Variants in IPO4 observed in about 807,000 individuals in gnomAD.
IPO4 encodes importin-4.
In IPO4, 91 loss-of-function variants were observed where a neutral mutation model predicts 133.5. That is an observed-to-expected ratio of 0.68 (90% CI 0.58 to 0.81). IPO4 has a LOEUF of 0.81. Ranked by LOEUF, IPO4 falls within the 30% of genes least tolerant of loss-of-function variation. The pLI, the probability that IPO4 is intolerant of heterozygous loss-of-function variation, is 0.00. For missense variants in IPO4, 1,279 were observed against 1,386.2 expected, an observed-to-expected ratio of 0.92 and a Z score of 1.23; for synonymous variants, 607 against 581.6, an observed-to-expected ratio of 1.04 and a Z score of -0.63.
Position 24,184,879 on chromosome 14 carries a change from G to A in IPO4, c.1510C>T (p.Leu504=). 1 of 1,613,964 alleles carries A rather than the reference G, an allele frequency of 6.2e-7. No homozygotes were observed. The highest frequency in any genetic ancestry group is 8.5e-7 in the Non-Finnish European group (1 of 1,179,906). The change falls in exon 15 of 30, where the codon CTG becomes TTG. Residue 504 remains leucine (L), a synonymous_variant. Transcript: ENST00000354464. Reference sequence around the variant, plus strand: ...CCTCTCTCCTCACCAATGGCTCCCAGGGCGCTCACAGCCAGCTCCTTGGCC... The same window carrying A: ...CCTCTCTCCTCACCAATGGCTCCCAAGGCGCTCACAGCCAGCTCCTTGGCC... The part of the protein sequence containing the change: ...PRAKELAVSA[L]GAIATAAQAS...
rs370520913 is a variant in IPO4 at position 24,182,830 on chromosome 14, C to G, written c.2434G>C (p.Asp812His). The G allele has an allele frequency of 4.3e-6, 7 of 1,614,078 alleles. No homozygotes were observed. The African/African-American group carries it at 6.7e-5, about 15-fold the overall frequency. The change falls in exon 24 of 30, where the codon GAT becomes CAT. Residue 812 changes from aspartate (D) to histidine (H), a missense_variant. Asp to His is a moderately conservative substitution (Grantham distance 81, BLOSUM62 -1). Around this residue, in one of 3 missense-constraint regions of IPO4, gnomAD observed 575 missense variants for 653.4 expected, o/e 0.88. Coordinates refer to ENST00000354464, the MANE Select transcript of IPO4 (RefSeq NM_024658.4). ...AVLQRKTACQ[D>H]TDEEEEEEDD... ...TCCTCTTCCTCCTCCTCGTCAGTAT[C>G]CTGACAGGCTGTCTACAAGAAGTAG...
In IPO4 at chr14:24,181,625, C is replaced by T. The variant is rs1594436363; in HGVS notation, c.2941-8G>A. ...CAGTAGGGCAGCCAGCACCTGGGCA[C>T]ACAAATGTCTCAGGCCAACCTGCCC... On this transcript the variant is annotated splice_region_variant and splice_polypyrimidine_tract_variant and intron_variant, in intron 27 of 29. Transcript: ENST00000354464. 1.2e-6 allele frequency: 2 copies of T among 1,614,076 alleles called. No homozygotes were observed. Among genetic ancestry groups the T allele is most frequent in the South Asian group, 2.2e-5 (2 of 91,090 alleles).
intron 7 of IPO4, 49 bp downstream of exon 7, chr14:24,187,036 A>T (rs200559193): frequency 4.3e-4 from 699 of 1,611,646 alleles, no homozygotes; most frequent in Non-Finnish European, 5.3e-4. Flanking sequence ...GCCAAACTGG[A>T]CACTTCTGCA....
At chr14:24,182,706 A>C (rs1266283858) in intron 24 of IPO4, 86 bp downstream of exon 24, 2 of 1,495,588 alleles carry the variant, frequency 1.3e-6, no homozygotes, top group African/African-American at 1.4e-5. Context: ...TGGCTGCCCC[A>C]GGCCAAGCCC....
chr14:24,182,574 T>A (rs750656373), intron 24 of IPO4, 171 bp from the exon 25 acceptor site: 19 of 1,012,224 alleles, frequency 1.9e-5, no homozygotes, highest in Non-Finnish European at 2.8e-5. Flanking sequence ...CTGGCTCTTC[T>A]GCTCCTACCT....
intron 24 of IPO4, 90 bp downstream of exon 24, chr14:24,182,702 C>T: frequency 1.4e-6 from 2 of 1,453,520 alleles, no homozygotes; most frequent in Non-Finnish European, 1.9e-6. Flanking sequence ...GCCCTGGCTG[C>T]CCCAGGCCAA....
chr14:24,181,524 T>G lies in IPO4; in HGVS notation c.3034A>C (p.Ser1012Arg). The G allele has an allele frequency of 6.4e-7, 1 of 1,565,268 alleles. No individual in the cohort carries two copies. Among genetic ancestry groups the G allele is most frequent in the Non-Finnish European group, 8.7e-7 (1 of 1,154,396 alleles). ...GRLFSFLYQS[S>R]PDQVIDVAPE... ...AGCAGCAAGGTTACCTGGTCAGGGCTGCTCTGGTACAGGAAGCTGAAGAGG... is the reference window on the plus strand; with the variant it reads ...AGCAGCAAGGTTACCTGGTCAGGGCGGCTCTGGTACAGGAAGCTGAAGAGG... The change falls in exon 28 of 30, where the codon AGC (serine) becomes CGC (arginine). Residue 1012 changes from serine to arginine, a missense_variant. Ser to Arg is a moderately radical substitution (Grantham distance 110). Around this residue, in one of 3 missense-constraint regions of IPO4, gnomAD observed 575 missense variants for 653.4 expected, o/e 0.88. Transcript: ENST00000354464.
rs1303128527 is a variant in IPO4, at chr14:24,184,069, C to A, written c.1798G>T (p.Gly600Cys). 14 of 1,612,650 alleles carry A rather than the reference C, an allele frequency of 8.7e-6. No individual in the cohort carries two copies. The highest frequency in any genetic ancestry group is 1.7e-6 in the Non-Finnish European group (2 of 1,179,834). ...ATCTGTTCCAAGTGGGGCGCCAGGC[C>A]CTCACCCATCAGACCCGATAAGGCT... ...FAALSGLMGE[G>C]LAPHLEQITT... The change falls in exon 18 of 30, where the codon GGC becomes TGC. Residue 600 changes from glycine to cysteine, a missense_variant. Transcript: ENST00000354464.
At position 24,187,735 on chromosome 14, in the gene IPO4, C is replaced by T. The variant is rs762793752; in HGVS notation, c.340G>A (p.Glu114Lys). The change falls in exon 5 of 30, where the codon GAG (glutamate) becomes AAG (lysine). Residue 114 changes from glutamate to lysine, a missense_variant. Glu to Lys is a moderately conservative substitution (Grantham distance 56). This residue lies in a region of IPO4 where 695 missense variants were observed against 704.1 expected (regional missense o/e 0.99). Transcript: ENST00000354464. ...SATIFRKEGL[E>K]AWPQLLQLLQ... ...AGCTGCAAAAGCTGTGGCCAGGCCT[C>T]CAAGCCTTCCTTTCGAAAAATGGTG... The T allele has an allele frequency of 1.2e-6, 2 of 1,614,202 alleles. No homozygotes were observed. Among genetic ancestry groups the T allele is most frequent in the Non-Finnish European group, 1.7e-6 (2 of 1,180,040 alleles).
chr14:24,184,498 GA>G, intron 16 of IPO4, 80 bp from the exon 17 acceptor site: 1 of 1,513,868 alleles, frequency 6.6e-7, no homozygotes, highest in Non-Finnish European at 8.9e-7. Context: ...GAGGGATTCA[GA>G]AATCCCGCCC....
At chr14:24,180,874 T>TG in intron 28 of IPO4, 116 bp from the exon 29 acceptor site, 1 of 735,060 alleles carries the variant, frequency 1.4e-6, no homozygotes. Context: ...CACCTGGTAC[T>TG]GATTCACAGG....
chr14:24,185,610 C>A, intron 12 of IPO4, 43 bp from the exon 13 acceptor site: 2 of 1,533,058 alleles, frequency 1.3e-6, no homozygotes, highest in Non-Finnish European at 1.8e-6. Flanking sequence ...GAAGCTACAC[C>A]TGAGAGCCCT....
At chr14:24,187,906 A>T (rs2039249141) in intron 4 of IPO4, 110 bp from the exon 5 acceptor site, 2 of 1,396,742 alleles carry the variant, frequency 1.4e-6, no homozygotes, top group East Asian at 2.4e-5. Flanking sequence ...GTGTGGGCAC[A>T]GGGTCTTTGC....
At chr14:24,188,455 G>A in intron 2 of IPO4, 32 bp from the exon 3 acceptor site, 3 of 1,609,414 alleles carry the variant, frequency 1.9e-6, no homozygotes, top group Non-Finnish European at 1.7e-6. Flanking sequence ...GTGGGGGTCC[G>A]GGCAGGAAGG....
chr14:24,182,474 G>T, intron 24 of IPO4, 71 bp from the exon 25 acceptor site: 1 of 1,552,866 alleles, frequency 6.4e-7, no homozygotes. Context: ...CCCACGCTCT[G>T]CCACCAGCTG....
In IPO4 at chr14:24,182,810, TTCC is replaced by T. The variant is rs778573523; in HGVS notation, c.2451_2453del (p.Glu820del). ...CTCTCACCTGATCATCATCTTCCTC[TTCC>T]TCCTCCTCGTCAGTATCCTGACAGG... On this transcript the variant is annotated inframe_deletion, in exon 24 of 30. Transcript: ENST00000354464. 9.3e-5 allele frequency: 150 copies of T among 1,614,182 alleles called. No homozygotes were observed. The highest frequency in any genetic ancestry group is 1.1e-4 in the Non-Finnish European group (135 of 1,180,004).
chr14:24,180,654 TC>T, intron 29 of IPO4, 34 bp downstream of exon 29: 1 of 1,613,118 alleles, frequency 6.2e-7, no homozygotes. Flanking sequence ...ACTCCCAGCC[TC>T]CCGCAAGCCC....
Position 24,180,519 on chromosome 14 carries a change from C to T in IPO4, c.3169G>A (p.Asp1057Asn), listed in dbSNP as rs376690871. 27 of 1,613,892 alleles carry T rather than the reference C, an allele frequency of 1.7e-5. No individual in the cohort carries two copies. The highest frequency in any genetic ancestry group is 1.6e-4 in the Middle Eastern group (1 of 6,080). Residue 1057 changes from aspartate to asparagine, a missense_variant, in exon 30 of 30, where the codon GAC becomes AAC. Transcript: ENST00000354464. ...LLTFLAKQHT[D>N]SFQAALGSLP... The stretch of plus-strand genomic sequence containing the variant: ...GAGCCCAGAGCTGCTTGAAAGCTGT[C>T]GGTGTGCTGTTTGGCCAGGAACGTC...
chr14:24,180,307 A>G lies in IPO4; in HGVS notation c.*135T>C. 5 of 1,507,332 alleles carry G rather than the reference A, an allele frequency of 3.3e-6. No homozygotes were observed. In the South Asian group the frequency reaches 6.3e-5, roughly 19 times the overall value. 93.4% of individuals were successfully genotyped at this position (1,507,332 alleles called of 1,614,324 possible). ...GATCCAGCCTCAGGGACAGCCCTGT[A>G]AGGCAGCAAGTGGGGCTGGCTCCAA... On this transcript the variant is annotated 3_prime_UTR_variant, in exon 30 of 30. Coordinates refer to ENST00000354464, the MANE Select transcript of IPO4 (RefSeq NM_024658.4).
Sources: allele counts gnomAD v4.1 joint callset, GRCh38; gene constraint gnomAD v4.1.1; regional missense constraint gnomAD v4.1.1; transcripts MANE v1.5; gene names NCBI Gene and HGNC (gene_info 2026-07-23, HGNC 2026-07-21).